SPTBN5: variants seen among roughly 807,000 people sequenced by gnomAD.
The protein encoded by SPTBN5 is spectrin beta, non-erythrocytic 5.
In SPTBN5, 513 loss-of-function variants were observed where a neutral mutation model predicts 477.6. The ratio of observed to expected loss-of-function variants is 1.07; its 90% confidence interval spans 1.00 to 1.16. SPTBN5 has a LOEUF of 1.16. SPTBN5 is among the 50% of genes most tolerant of loss of function. The pLI is 0.00. For missense variants in SPTBN5, 5,062 were observed against 4,731.8 expected, an observed-to-expected ratio of 1.07 and a Z score of -2.05; for synonymous variants, 2,169 against 2,011.7, an observed-to-expected ratio of 1.08 and a Z score of -2.09.
Position 41,879,754 on chromosome 15 carries a change from C to T in SPTBN5, c.2922G>A (p.Gln974=). ...YPGNSTQIQR[Q]QEELSQRWGQ... The stretch of plus-strand genomic sequence containing the variant: ...CTCACCTCTGGCTCAGTTCCTCCTG[C>T]TGTCGTTGGATTTGTGTGGAGTTCC... The change falls in exon 15 of 68, where the codon CAG becomes CAA. Residue 974 remains glutamine, a synonymous_variant. Transcript: ENST00000320955. 1 of 1,613,950 alleles carries T rather than the reference C, an allele frequency of 6.2e-7. No individual in the cohort carries two copies. The highest frequency in any genetic ancestry group is 1.1e-5 in the South Asian group (1 of 91,076).
rs1344945074 is a variant in SPTBN5 at position 41,861,757 on chromosome 15, A to G, written c.7715T>C (p.Leu2572Pro). Residue 2572 changes from leucine to proline, a missense_variant, in exon 45 of 68, where the codon CTG becomes CCG. Transcript: ENST00000320955. ...TGCCTGTAGCTCCAGGGCCTGCTGC[A>G]GCTGTAGCTGATGCTCCTGCCAGGC... ...EGAWQEHQLQ[L>P]QQALELQLFL... 1 of 1,550,090 alleles carries G rather than the reference A, an allele frequency of 6.5e-7. No individual in the cohort carries two copies. Among genetic ancestry groups the G allele is most frequent in the South Asian group, 1.2e-5 (1 of 84,720 alleles).
At position 41,874,311 on chromosome 15, in the gene SPTBN5, C is replaced by T. The variant is rs2066644801; in HGVS notation, c.4670G>A (p.Ser1557Asn). 6 of 1,612,898 alleles carry T rather than the reference C, an allele frequency of 3.7e-6. No homozygotes were observed. Among genetic ancestry groups the T allele is most frequent in the Non-Finnish European group, 5.1e-6 (6 of 1,179,394 alleles). The part of the protein sequence containing the change: ...SYTECLNGAQ[S>N]LHRKHKELQV... The stretch of plus-strand genomic sequence containing the variant: ...TATTACCTTGTGCTTGCGGTGAAGG[C>T]TCTGGGCACCATTCAAGCACTCGGT... The change falls in exon 24 of 68, where the codon AGC (serine) becomes AAC (asparagine). Residue 1557 changes from serine (S) to asparagine (N), a missense_variant. By Grantham distance (46) the Ser-to-Asn change is conservative. Coordinates refer to ENST00000320955, the MANE Select transcript of SPTBN5 (RefSeq NM_016642.4).
chr15:41,869,847 G>A lies in SPTBN5; in HGVS notation c.5847C>T (p.Arg1949=), dbSNP rs1460621333. ...AAAGGGCAGGAGCCCTCACCGCCGT[G>A]CGGAAGCGGGCCAGGAGGCGTGCCC... ...LERARLLARF[R]TAVRDYASWA... The change falls in exon 32 of 68, where the codon CGC becomes CGT. Residue 1949 remains arginine, a synonymous_variant. Coordinates refer to ENST00000320955, the MANE Select transcript of SPTBN5 (RefSeq NM_016642.4). 6.4e-7 allele frequency: 1 copy of A among 1,557,952 alleles called. No homozygotes were observed. Among genetic ancestry groups the A allele is most frequent in the African/African-American group, 1.4e-5 (1 of 73,102 alleles).
chr15:41,854,633 A>C, intron 56 of SPTBN5, 149 bp downstream of exon 56: 1 of 649,940 alleles, frequency 1.5e-6, no homozygotes, highest in Non-Finnish European at 2.4e-6. Flanking sequence ...TCCTGGAAGA[A>C]AGCTGAGCAG....
rs745815156 is a variant in SPTBN5 at position 41,853,646 on chromosome 15, G to A, written c.9916C>T (p.Arg3306Ter). 22 of 1,594,240 alleles carry A rather than the reference G, an allele frequency of 1.4e-5. No individual in the cohort carries two copies. In the African/African-American group the frequency reaches 1.7e-4, roughly 13 times the overall value. ...WATLQAKAQE[R>*]GQWLAQAAQG... ...GCAGCCTGCGCCAGCCACTGGCCTC[G>A]CTCCTGGGCCTTCGCCTGCAGGGTG... The change falls in exon 58 of 68, where the codon CGA (arginine) becomes TGA (stop). Residue 3306 changes from arginine (R) to a stop codon, truncating the protein, a stop_gained. Coordinates refer to ENST00000320955, the MANE Select transcript of SPTBN5 (RefSeq NM_016642.4). LOFTEE classifies it high-confidence loss of function.
rs16972210 is a variant in SPTBN5, at chr15:41,875,758, C to A, written c.4123-136G>T. Reference sequence around the variant, plus strand: ...ACTCCACGGGCTGCCTGGAAGAAAGCAGTTCATGTGGCCCCAAAACTGCAG... The same window carrying A: ...ACTCCACGGGCTGCCTGGAAGAAAGAAGTTCATGTGGCCCCAAAACTGCAG... On this transcript the variant is annotated intron_variant, in intron 21 of 67. Transcript: ENST00000320955. The A allele has an allele frequency of 0.05, 47,330 of 942,432 alleles. 1,691 individuals are homozygous for A. The highest frequency in any genetic ancestry group is 0.16 in the East Asian group (6,110 of 37,402). 58.4% of individuals were successfully genotyped at this position (942,432 alleles called of 1,614,324 possible).
intron 34 of SPTBN5, 50 bp from the exon 35 acceptor site, chr15:41,867,692 C>T (rs760837542): frequency 1.9e-6 from 3 of 1,563,854 alleles, no homozygotes; most frequent in East Asian, 4.5e-5. Context: ...GCCAGCCAGC[C>T]CCTCCAGCTG....
In SPTBN5 at chr15:41,853,645, C is replaced by G. The variant is rs201700757; in HGVS notation, c.9917G>C (p.Arg3306Pro). 8.2e-6 allele frequency: 13 copies of G among 1,594,042 alleles called. No homozygotes were observed. The East Asian group carries it at 2.9e-4, about 36-fold the overall frequency. ...TGCAGCCTGCGCCAGCCACTGGCCT[C>G]GCTCCTGGGCCTTCGCCTGCAGGGT... ...WATLQAKAQE[R>P]GQWLAQAAQG... Residue 3306 changes from arginine to proline, a missense_variant, in exon 58 of 68, where the codon CGA becomes CCA. By Grantham distance (103) the Arg-to-Pro change is moderately radical. Coordinates refer to ENST00000320955, the MANE Select transcript of SPTBN5 (RefSeq NM_016642.4).
Position 41,854,825 on chromosome 15 carries a change from G to C in SPTBN5, c.9575C>G (p.Ala3192Gly). 1 of 1,589,572 alleles carries C rather than the reference G, an allele frequency of 6.3e-7. No homozygotes were observed. Among genetic ancestry groups the C allele is most frequent in the Non-Finnish European group, 8.6e-7 (1 of 1,169,356 alleles). Residue 3192 changes from alanine (A) to glycine (G), a missense_variant, in exon 56 of 68, where the codon GCT becomes GGT. By Grantham distance (60) the Ala-to-Gly change is moderately conservative. Transcript: ENST00000320955. ...HIQAQRSRIE[A>G]AWERLDQAIK... ...TGCTTGGTCCAACCTCTCCCAAGCA[G>C]CCTCAATGCGGCTCCTCTGGGCTTG...
chr15:41,874,956 T>G lies in SPTBN5; in HGVS notation c.4388A>C (p.Gln1463Pro). The G allele has an allele frequency of 6.2e-7, 1 of 1,613,656 alleles. No individual in the cohort carries two copies. The highest frequency in any genetic ancestry group is 1.3e-5 in the African/African-American group (1 of 75,050). The change falls in exon 23 of 68, where the codon CAG (glutamine) becomes CCG (proline). Residue 1463 changes from glutamine to proline, a missense_variant. Coordinates refer to ENST00000320955, the MANE Select transcript of SPTBN5 (RefSeq NM_016642.4). ...SSQRLQKRHQ[Q>P]LESESRTLAA... ...CAGGGTCCGGCTCTCACTCTCCAGCTGTTGGTGCCGTTTCTGCAGCCTCTG... is the reference window on the plus strand; with the variant it reads ...CAGGGTCCGGCTCTCACTCTCCAGCGGTTGGTGCCGTTTCTGCAGCCTCTG...
Position 41,873,857 on chromosome 15 carries a change from G to A in SPTBN5, c.4878C>T (p.Val1626=), listed in dbSNP as rs376446243. 6.2e-7 allele frequency: 1 copy of A among 1,610,562 alleles called. No homozygotes were observed. Among genetic ancestry groups the A allele is most frequent in the African/African-American group, 1.3e-5 (1 of 74,914 alleles). ...CTCTGCATCCTACCTGCTGGAAAGTGACAGCCTGCTGCAGACACTGGGCCC... is the reference window on the plus strand; with the variant it reads ...CTCTGCATCCTACCTGCTGGAAAGTAACAGCCTGCTGCAGACACTGGGCCC... The part of the protein sequence containing the change: ...EARAQCLQQA[V]TFQQYFLDVS... The change falls in exon 25 of 68, where the codon GTC becomes GTT. Residue 1626 remains valine (V), a synonymous_variant. Coordinates refer to ENST00000320955, the MANE Select transcript of SPTBN5 (RefSeq NM_016642.4).
At position 41,848,238 on chromosome 15, in the gene SPTBN5, C is replaced by A. The variant is rs1595430083; in HGVS notation, c.*378G>T. The A allele has an allele frequency of 8.1e-6, 4 of 494,342 alleles. No homozygotes were observed. The highest frequency in any genetic ancestry group is 1.5e-5 in the Non-Finnish European group (4 of 272,224). 30.6% of individuals were successfully genotyped at this position (494,342 alleles called of 1,614,324 possible). On this transcript the variant is annotated 3_prime_UTR_variant, in exon 68 of 68. Coordinates refer to ENST00000320955, the MANE Select transcript of SPTBN5 (RefSeq NM_016642.4). ...ATGGCAAGGGCTGGTACAGAGCTCG[C>A]TCATCAGTGTTCTTCCTCCGAAGAG...
chr15:41,856,705 C>A, intron 52 of SPTBN5, 107 bp from the exon 53 acceptor site: 1 of 1,356,128 alleles, frequency 7.4e-7, no homozygotes, highest in Non-Finnish European at 9.9e-7. Context: ...CCAAGGAGTT[C>A]CCTGTCCCCA....
chr15:41,861,508 G>A lies in SPTBN5; in HGVS notation c.7738-12C>T. ...GAGCTCAGAAACAGCTGAGAACAAA[G>A]GAAAAGGCAAGAGACAGTCGGTGGA... is the stretch of plus-strand genomic sequence containing the variant. On this transcript the variant is annotated splice_polypyrimidine_tract_variant and intron_variant, in intron 45 of 67. Coordinates refer to ENST00000320955, the MANE Select transcript of SPTBN5 (RefSeq NM_016642.4). The A allele has an allele frequency of 6.2e-7, 1 of 1,613,284 alleles. No homozygotes were observed.
At chr15:41,860,906 G>A in intron 46 of SPTBN5, 148 bp from the exon 47 acceptor site, 1 of 823,260 alleles carries the variant, frequency 1.2e-6, no homozygotes, top group South Asian at 2.9e-5. Flanking sequence ...CCTCAAGGCT[G>A]TTTCCAGCTT....
At position 41,862,121 on chromosome 15, in the gene SPTBN5, C is replaced by A. The variant is rs377279410; in HGVS notation, c.7548+9G>T. On this transcript the variant is annotated intron_variant, in intron 44 of 67. Coordinates refer to ENST00000320955, the MANE Select transcript of SPTBN5 (RefSeq NM_016642.4). ...GCCTGGGAAAGGCTTGGGCCAGCTG[C>A]CCATTCACCTTGCACTCCTGATGCT... 2.6e-4 allele frequency: 410 copies of A among 1,555,340 alleles called. No homozygotes were observed. In the African/African-American group the frequency reaches 5.0e-3, roughly 19 times the overall value.
chr15:41,893,066 G>T lies in SPTBN5; in HGVS notation c.217-5C>A, dbSNP rs773125063. 3.1e-6 allele frequency: 5 copies of T among 1,609,870 alleles called. No homozygotes were observed. The highest frequency in any genetic ancestry group is 3.4e-6 in the Non-Finnish European group (4 of 1,179,544). On this transcript the variant is annotated splice_polypyrimidine_tract_variant and splice_region_variant and intron_variant, in intron 2 of 67. Coordinates refer to ENST00000320955, the MANE Select transcript of SPTBN5 (RefSeq NM_016642.4). Reference sequence around the variant, plus strand: ...GTTCCGGATCTTGATGCCCGCCTGGGGAGGGGACAGGGGTAAGTATGGGGT... The same window carrying T: ...GTTCCGGATCTTGATGCCCGCCTGGTGAGGGGACAGGGGTAAGTATGGGGT...
chr15:41,863,727 C>T lies in SPTBN5; in HGVS notation c.7126G>A (p.Val2376Ile), dbSNP rs200094354. ...ACCTTCTCCTGAATCCTCTTGGTGA[C>T]ATTGTCCAGCTCTCGGGACAACACG... ...IHVLSRELDN[V>I]TKRIQEKEAL... The change falls in exon 41 of 68, where the codon GTC becomes ATC. Residue 2376 changes from valine to isoleucine, a missense_variant. Coordinates refer to ENST00000320955, the MANE Select transcript of SPTBN5 (RefSeq NM_016642.4). 149 of 1,613,492 alleles carry T rather than the reference C, an allele frequency of 9.2e-5. No individual in the cohort carries two copies. In the African/African-American group the frequency reaches 1.8e-3, roughly 20 times the overall value.
intron 3 of SPTBN5, among the ~76,000 whole-genome samples, chr15:41,891,821 G>A (rs775967956): frequency 7.2e-5 from 11 of 152,284 alleles, no homozygotes; most frequent in Middle Eastern, 3.4e-3. Flanking sequence ...CGGCAACTCC[G>A]TCATCCTTTC....
Sources: allele counts gnomAD v4.1 joint callset (sites outside exome capture counted in the v4.1 genomes callset), GRCh38; gene constraint gnomAD v4.1.1; transcripts MANE v1.5; gene names NCBI Gene and HGNC (gene_info 2026-07-23, HGNC 2026-07-21).